The following ZNF385D variants were observed in gnomAD, a reference collection of about 807,000 sequenced individuals.
ZNF385D encodes zinc finger protein 385D.
A neutral mutation model predicts 35.8 loss-of-function variants in ZNF385D; 15 were observed. That is an observed-to-expected ratio of 0.42 (90% CI 0.28 to 0.64). ZNF385D has a LOEUF of 0.64. ZNF385D is among the 30% of genes least tolerant of loss of function. The pLI is 0.23. For missense variants in ZNF385D, 474 were observed against 494.6 expected (o/e 0.96, Z 0.39); for synonymous variants, 212 against 186.8 (o/e 1.13, Z -1.10).
At chr3:22,237,306 G>A (rs1310349531) in intron 2 of ZNF385D, among the ~76,000 whole-genome samples, 3 of 152,088 alleles carry the variant, frequency 2.0e-5, no homozygotes, top group African/African-American at 7.2e-5. Flanking sequence ...TGTGCCTACT[G>A]GCTATTTGTA....
At chr3:21,917,407 G>A (rs1438996939) in intron 3 of ZNF385D, among the ~76,000 whole-genome samples, 1 of 150,562 alleles carries the variant, frequency 6.6e-6, no homozygotes, top group African/African-American at 2.5e-5. Flanking sequence ...ACTCCAGCCT[G>A]GGCAACAGAG....
At chr3:21,649,849 A>G (rs2065860875) in intron 2 of ZNF385D, among the ~76,000 whole-genome samples, 1 of 152,158 alleles carries the variant, frequency 6.6e-6, no homozygotes, top group African/African-American at 2.4e-5. Flanking sequence ...TTTAAAGTGT[A>G]TTGGTTTCTT....
chr3:22,192,314 A>G (rs1370774007), intron 2 of ZNF385D, among the ~76,000 whole-genome samples: 1 of 152,162 alleles, frequency 6.6e-6, no homozygotes, highest in Non-Finnish European at 1.5e-5. Context: ...CAAAGAAATC[A>G]TATTGTAGCC....
At chr3:21,818,226 T>A (rs78263908) in intron 3 of ZNF385D, among the ~76,000 whole-genome samples, 11,780 of 152,198 alleles carry the variant, frequency 0.077, 621 homozygotes, top group South Asian at 0.13. Context: ...AAATACCTAA[T>A]GTAAATGACG....
At chr3:21,804,170 C>T (rs1350536721) in intron 3 of ZNF385D, among the ~76,000 whole-genome samples, 3 of 152,108 alleles carry the variant, frequency 2.0e-5, no homozygotes, top group Admixed American at 6.5e-5. Flanking sequence ...TATTTGGGCA[C>T]AAGTATGATG....
chr3:21,664,197 G>C (rs2066331767), intron 2 of ZNF385D, among the ~76,000 whole-genome samples: 1 of 151,044 alleles, frequency 6.6e-6, no homozygotes, highest in Non-Finnish European at 1.5e-5. Flanking sequence ...ACTGATCGCA[G>C]AAAAAGAAAC....
chr3:22,206,768 A>T (rs1366387879), intron 2 of ZNF385D, among the ~76,000 whole-genome samples: 2 of 151,974 alleles, frequency 1.3e-5, no homozygotes, highest in Admixed American at 1.3e-4. Context: ...TATGGGATAC[A>T]GTAAAAGCAA....
At chr3:22,345,082 C>T (rs1695596553) in intron 2 of ZNF385D, among the ~76,000 whole-genome samples, 2 of 152,110 alleles carry the variant, frequency 1.3e-5, no homozygotes, top group Admixed American at 6.5e-5. Context: ...TCCTAGTATA[C>T]ATTTCTCACA....
chr3:21,618,177 GAGAA>G (rs1265867565), intron 2 of ZNF385D, among the ~76,000 whole-genome samples: 2 of 152,156 alleles, frequency 1.3e-5, no homozygotes, highest in Non-Finnish European at 2.9e-5. Flanking sequence ...GTGATGCTGA[GAGAA>G]AGAGATTACC....
intron 1 of ZNF385D, among the ~76,000 whole-genome samples, chr3:21,673,526 G>A (rs2066637784): frequency 6.6e-6 from 1 of 152,222 alleles, no homozygotes; most frequent in South Asian, 2.1e-4. Flanking sequence ...TCAGATTGAG[G>A]AGAAGAGTTT....
chr3:22,017,718 A>G (rs1321048519), intron 3 of ZNF385D, among the ~76,000 whole-genome samples: 3 of 151,990 alleles, frequency 2.0e-5, no homozygotes, highest in African/African-American at 7.2e-5. Context: ...TCCTAAATTT[A>G]TAACATATTT....
intron 3 of ZNF385D, among the ~76,000 whole-genome samples, chr3:21,996,262 C>T (rs150440553): frequency 1.3e-5 from 2 of 152,066 alleles, no homozygotes; most frequent in African/African-American, 4.8e-5. Context: ...ATGGTTGGGA[C>T]GGCAGGAGTC....
chr3:21,437,549 G>A (rs74506198), intron 4 of ZNF385D, among the ~76,000 whole-genome samples: 2,829 of 151,392 alleles, frequency 0.019, 34 homozygotes, highest in Non-Finnish European at 0.029. Flanking sequence ...TTTCTAAATG[G>A]CTTTTTCTAG....
intron 4 of ZNF385D, among the ~76,000 whole-genome samples, chr3:21,505,325 C>G (rs1706692841): frequency 6.6e-6 from 1 of 151,988 alleles, no homozygotes; most frequent in Non-Finnish European, 1.5e-5. Flanking sequence ...ACAAGTGATA[C>G]TTGAAGGAAG....
chr3:21,567,812 T>C (rs2063202561), intron 2 of ZNF385D, among the ~76,000 whole-genome samples: 1 of 152,192 alleles, frequency 6.6e-6, no homozygotes. Context: ...TTTTATCATA[T>C]TTTGGTGATC....
intron 3 of ZNF385D, among the ~76,000 whole-genome samples, chr3:22,050,407 A>G (rs1699279910): frequency 1.3e-5 from 2 of 152,152 alleles, no homozygotes; most frequent in Non-Finnish European, 1.5e-5. Flanking sequence ...CCACAACAAG[A>G]AAACACACAC....
intron 2 of ZNF385D, among the ~76,000 whole-genome samples, chr3:22,205,182 A>T (rs1006817954): frequency 3.3e-5 from 5 of 152,012 alleles, no homozygotes; most frequent in Non-Finnish European, 7.4e-5. Flanking sequence ...TTTTCAGTGG[A>T]AACTTTAAAG....
intron 3 of ZNF385D, among the ~76,000 whole-genome samples, chr3:21,841,431 T>G (rs1037887663): frequency 4.9e-5 from 7 of 143,888 alleles, no homozygotes; most frequent in African/African-American, 1.8e-4. Context: ...TAAAGAACAT[T>G]TCATTTTAAA....
chr3:21,702,858 C>T (rs1237991791), intron 1 of ZNF385D, among the ~76,000 whole-genome samples: 1 of 152,194 alleles, frequency 6.6e-6, no homozygotes, highest in African/African-American at 2.4e-5. Flanking sequence ...TCCTCATCTC[C>T]ATCTGAGACC....
Sources: allele counts gnomAD v4.1 joint callset (sites outside exome capture counted in the v4.1 genomes callset), GRCh38; gene constraint gnomAD v4.1.1; transcripts MANE v1.5; gene names NCBI Gene and HGNC (gene_info 2026-07-23, HGNC 2026-07-21).